Variants in MDM4 observed in about 807,000 individuals in gnomAD.
The protein encoded by MDM4 is protein Mdm4.
A neutral mutation model predicts 60.2 loss-of-function variants in MDM4; 2 were observed. The observed-to-expected ratio is 0.03, with a 90% CI of 0.01 to 0.10. The LOEUF is 0.10. Ranked by LOEUF, MDM4 falls within the 10% of genes least tolerant of loss-of-function variation. The probability of loss-of-function intolerance (pLI) is 1.00; values close to 1 mark genes in which losing one functional copy is unlikely to be tolerated. For synonymous variants in MDM4, 202 were observed against 198.1 expected, an observed-to-expected ratio of 1.02 and a Z score of -0.17; for missense variants, 447 against 577.5, an observed-to-expected ratio of 0.77 and a Z score of 2.32.
At chr1:204,544,707 G>A (rs1278780152) in intron 9 of MDM4, 23 bp downstream of exon 9, 1 of 1,598,556 alleles carries the variant, frequency 6.3e-7, no homozygotes, top group Non-Finnish European at 8.6e-7. Context: ...AAAATTCCAT[G>A]TTGATTCTGT....
Position 204,542,788 on chromosome 1 carries a change from A to C in MDM4, c.516A>C (p.Glu172Asp). The change falls in exon 8 of 11, where the codon GAA (glutamate) becomes GAC (aspartate). Residue 172 changes from glutamate (E) to aspartate (D), a missense_variant. Physicochemically the swap from Glu to Asp is conservative, Grantham distance 45. Transcript: ENST00000367182. The stretch of plus-strand genomic sequence containing the variant: ...CTTTTCATTTGACTTCTATAGATGA[A>C]GACTTAATTGAAAATTTAGCCCAAG... ...EHKCIHSRED[E>D]DLIENLAQDE... is the part of the protein sequence containing the mutation. The C allele has an allele frequency of 1.9e-6, 3 of 1,609,838 alleles. No individual in the cohort carries two copies. Among genetic ancestry groups the C allele is most frequent in the Non-Finnish European group, 2.5e-6 (3 of 1,177,576 alleles).
intron 1 of MDM4, among the ~76,000 whole-genome samples, chr1:204,517,990 A>G (rs1275525533): frequency 3.3e-5 from 5 of 151,962 alleles, no homozygotes; most frequent in Non-Finnish European, 7.4e-5. Context: ...ACTGAGCCCC[A>G]TCTCTGCAAA....
chr1:204,526,234 C>G, intron 2 of MDM4, 126 bp from the exon 3 acceptor site: 1 of 726,446 alleles, frequency 1.4e-6, no homozygotes, highest in South Asian at 1.7e-5. Context: ...CCAGCCAAGG[C>G]GACAGAGCAA....
In MDM4 at chr1:204,544,758, C is replaced by A. The variant is rs1662482498; in HGVS notation, c.822+74C>A. ...ATCATCTGTTGAGATTTCTTTGTATCTGTTTTTACAACAGATTGCTCACAT... is the reference window on the plus strand; with the variant it reads ...ATCATCTGTTGAGATTTCTTTGTATATGTTTTTACAACAGATTGCTCACAT... On this transcript the variant is annotated intron_variant, in intron 9 of 10. Coordinates refer to ENST00000367182, the MANE Select transcript of MDM4 (RefSeq NM_002393.5). The A allele has an allele frequency of 3.2e-5, 44 of 1,383,178 alleles. 1 individual carries two copies. The South Asian group carries it at 6.0e-4, about 19-fold the overall frequency. 85.7% of individuals were successfully genotyped at this position (1,383,178 alleles called of 1,614,324 possible).
Position 204,557,410 on chromosome 1 carries a change from A to T in MDM4, c.*7728A>T, listed in dbSNP as rs539314391. 40 of 174,324 alleles carry T rather than the reference A, an allele frequency of 2.3e-4. 1 individual carries two copies. Among genetic ancestry groups the T allele is most frequent in the African/African-American group, 8.6e-4 (36 of 41,662 alleles). 10.8% of individuals were successfully genotyped at this position (174,324 alleles called of 1,614,324 possible). On this transcript the variant is annotated 3_prime_UTR_variant, in exon 11 of 11. Transcript: ENST00000367182. ...CTGTGGTCTTGATGTACAAAAAAAA[A>T]TTTTTTTTTTGAGACAGAGTCTTAC... is the stretch of plus-strand genomic sequence containing the variant.
chr1:204,541,513 T>A (rs931871302), intron 7 of MDM4, among the ~76,000 whole-genome samples: 5 of 152,080 alleles, frequency 3.3e-5, no homozygotes, highest in Admixed American at 2.0e-4. Flanking sequence ...GGCAGGTATT[T>A]AAGAATAGCC....
Sources: allele counts gnomAD v4.1 joint callset (sites outside exome capture counted in the v4.1 genomes callset), GRCh38; gene constraint gnomAD v4.1.1; transcripts MANE v1.5; gene names NCBI Gene and HGNC (gene_info 2026-07-23, HGNC 2026-07-21).